GAR1: variants seen among roughly 807,000 people sequenced by gnomAD.
The protein encoded by GAR1 is GAR1 ribonucleoprotein.
GAR1 carries 11 observed loss-of-function variants against 29.3 expected under a neutral mutation model. The observed-to-expected ratio is 0.38, with a 90% CI of 0.24 to 0.62. GAR1 has a LOEUF of 0.62. Among genes scored for constraint, GAR1 ranks in the 20% least tolerant of loss-of-function variants. The probability of loss-of-function intolerance (pLI) is 0.62; values close to 1 mark genes in which losing one functional copy is unlikely to be tolerated. For missense variants in GAR1, 237 were observed against 268.4 expected, an observed-to-expected ratio of 0.88 and a Z score of 0.82; for synonymous variants, 87 against 93.3, an observed-to-expected ratio of 0.93 and a Z score of 0.39.
chr4:109,817,811 C>G lies in GAR1; in HGVS notation c.215-125C>G, dbSNP rs1186293951. On this transcript the variant is annotated intron_variant, in intron 2 of 6. Transcript: ENST00000226796. ...GCCCAGGAAGTCCTAAGACTGTGGT[C>G]TTCTGCCTCAGAGGAGAGCAGTTAT... The G allele has an allele frequency of 5.8e-6, 4 of 689,400 alleles. No homozygotes were observed. In the East Asian group the frequency reaches 8.2e-5, roughly 14 times the overall value. 42.7% of individuals were successfully genotyped at this position (689,400 alleles called of 1,614,324 possible).
rs76570155 is a variant in GAR1 at position 109,820,836 on chromosome 4, T to C, written c.430-1511T>C. 4.3e-3 allele frequency among the ~76,000 whole-genome samples: 651 copies of C among 152,198 alleles called. 4 individuals are homozygous for C. The highest frequency in any genetic ancestry group is 0.015 in the African/African-American group (615 of 41,532). Reference sequence around the variant, plus strand: ...AAACCTTGGCAAGTACTCAGGGGATTGACTGCTTCTGGCGTGCCTGGAGCT... The same window carrying C: ...AAACCTTGGCAAGTACTCAGGGGATCGACTGCTTCTGGCGTGCCTGGAGCT... On this transcript the variant is annotated intron_variant, in intron 4 of 6. Coordinates refer to ENST00000226796, the MANE Select transcript of GAR1 (RefSeq NM_018983.4).
chr4:109,823,310 C>T (rs1285186649), intron 5 of GAR1, among the ~76,000 whole-genome samples: 3 of 152,050 alleles, frequency 2.0e-5, no homozygotes, highest in South Asian at 2.1e-4. Flanking sequence ...TCACTTTTGG[C>T]GTTTCTCAAT....
At chr4:109,815,962 C>T (rs1733337081) in intron 1 of GAR1, 158 bp downstream of exon 1, 1 of 640,228 alleles carries the variant, frequency 1.6e-6, no homozygotes, top group Non-Finnish European at 2.8e-6. Flanking sequence ...TGTGGTCGGT[C>T]GGCGCTCACG....
intron 5 of GAR1, 104 bp downstream of exon 5, chr4:109,822,592 CT>C: frequency 1.7e-6 from 2 of 1,182,832 alleles, no homozygotes; most frequent in Non-Finnish European, 2.2e-6. Context: ...CCTTATGGTT[CT>C]TTTTATTAAA....
At chr4:109,820,424 A>T (rs1490278813) in intron 4 of GAR1, among the ~76,000 whole-genome samples, 2 of 152,136 alleles carry the variant, frequency 1.3e-5, no homozygotes, top group East Asian at 3.9e-4. Flanking sequence ...CTAGACTGGA[A>T]ATAGAATTGG....
At position 109,824,592 on chromosome 4, in the gene GAR1, T is replaced by G. The variant is rs1464177362; in HGVS notation, c.*161T>G. The G allele has an allele frequency of 1.4e-4, 85 of 618,060 alleles. No individual in the cohort carries two copies. Among genetic ancestry groups the G allele is most frequent in the Non-Finnish European group, 1.9e-4 (65 of 341,914 alleles). The allele number at this position is 618,060 out of a possible 1,614,324, so 38.3% of individuals were successfully genotyped here. On this transcript the variant is annotated 3_prime_UTR_variant, in exon 7 of 7. Transcript: ENST00000226796. ...CAGCATCATGCAAAGTGCAACGGAA[T>G]AGTGAATTTTGCTCTAAAAGAGCAT...
At chr4:109,815,547 CAAGTTGGCCTCTCTGT>C (rs1315574281), upstream of GAR1, 1 of 153,882 alleles carries the variant, frequency 6.5e-6, no homozygotes, top group Non-Finnish European at 1.5e-5. Flanking sequence ...CAGCGTCAGG[CAAGTTGGCCTCTCTGT>C]TGTAAATTAG....
intron 4 of GAR1, among the ~76,000 whole-genome samples, chr4:109,820,171 A>C (rs1158414660): frequency 1.3e-5 from 2 of 152,182 alleles, no homozygotes; most frequent in African/African-American, 4.8e-5. Context: ...AAATGGATTT[A>C]TGAAAGATAC....
At chr4:109,817,891 G>T (rs548064323) in intron 2 of GAR1, 45 bp from the exon 3 acceptor site, 3 of 1,523,626 alleles carry the variant, frequency 2.0e-6, no homozygotes, top group Admixed American at 2.0e-5. Context: ...GGTCAGTATC[G>T]TTTGAAATAG....
intron 3 of GAR1, 22 bp from the exon 4 acceptor site, chr4:109,818,979 T>A: frequency 9.8e-7 from 1 of 1,019,080 alleles, no homozygotes; most frequent in Non-Finnish European, 1.5e-6. Flanking sequence ...ATTGCTCATT[T>A]GTTCCTTAAT....
At chr4:109,818,657 TG>T (rs1733420732) in intron 3 of GAR1, among the ~76,000 whole-genome samples, 1 of 148,330 alleles carries the variant, frequency 6.7e-6, no homozygotes, top group African/African-American at 2.5e-5. Context: ...CTCCGCCTCC[TG>T]GGTTCGAGCA....
intron 5 of GAR1, among the ~76,000 whole-genome samples, chr4:109,822,845 A>G (rs907240462): frequency 1.3e-5 from 2 of 152,338 alleles, no homozygotes; most frequent in South Asian, 2.1e-4. Context: ...TTCCATGTAT[A>G]TATTTTTAAT....
chr4:109,823,747 C>T (rs2125890433), intron 5 of GAR1, among the ~76,000 whole-genome samples: 1 of 152,120 alleles, frequency 6.6e-6, no homozygotes, highest in Admixed American at 6.5e-5. Flanking sequence ...TAGCCTGTTG[C>T]CCAGTTGGTA....
chr4:109,824,018 G>C lies in GAR1; in HGVS notation c.625G>C (p.Gly209Arg). Residue 209 changes from glycine (G) to arginine (R), a missense_variant, in exon 6 of 7, where the codon GGT (glycine) becomes CGT (arginine). Physicochemically the swap from Gly to Arg is moderately radical, Grantham distance 125. Transcript: ENST00000226796. ...GGGGGFRGGR[G>R]GGFRGRGH ...AGGTGGGGGCTTCAGAGGAGGAAGAGGTGGTGGTTTCAGAGGTGAGTATTT... is the reference window on the plus strand; with the variant it reads ...AGGTGGGGGCTTCAGAGGAGGAAGACGTGGTGGTTTCAGAGGTGAGTATTT... 6.2e-7 allele frequency: 1 copy of C among 1,605,668 alleles called. No individual in the cohort carries two copies. The highest frequency in any genetic ancestry group is 8.5e-7 in the Non-Finnish European group (1 of 1,173,422).
chr4:109,820,491 G>A (rs1025324820), intron 4 of GAR1, among the ~76,000 whole-genome samples: 2 of 151,802 alleles, frequency 1.3e-5, no homozygotes, highest in African/African-American at 4.8e-5. Flanking sequence ...AGAATGAAAG[G>A]AAAAGAGCAC....
intron 4 of GAR1, among the ~76,000 whole-genome samples, 167 bp from the exon 5 acceptor site, chr4:109,822,175 AAAAAG>A (rs1244953912): frequency 1.3e-5 from 2 of 150,806 alleles, no homozygotes; most frequent in South Asian, 2.1e-4. Flanking sequence ...AAAAAAAAAA[AAAAAG>A]AAACCTAAGT....
chr4:109,822,721 T>G (rs542938937), intron 5 of GAR1, among the ~76,000 whole-genome samples: 1 of 152,348 alleles, frequency 6.6e-6, no homozygotes, highest in African/African-American at 2.4e-5. Flanking sequence ...CTTTGGGTTA[T>G]TCATGTTTTC....
At chr4:109,821,328 C>T (rs772212940) in intron 4 of GAR1, among the ~76,000 whole-genome samples, 21 of 152,098 alleles carry the variant, frequency 1.4e-4, no homozygotes, top group Non-Finnish European at 2.6e-4. Flanking sequence ...CAATGTAGAT[C>T]TAGACAATAT....
In GAR1 at chr4:109,824,037, A is replaced by G; in HGVS notation, c.640+4A>G. On this transcript the variant is annotated splice_donor_region_variant and intron_variant, in intron 6 of 6. Transcript: ENST00000226796. ...GGAAGAGGTGGTGGTTTCAGAGGTG[A>G]GTATTTTAAAAAGTCTTTAAATTGC... The G allele has an allele frequency of 1.3e-6, 2 of 1,582,696 alleles. No individual in the cohort carries two copies. The highest frequency in any genetic ancestry group is 2.7e-5 in the African/African-American group (2 of 74,390).
Sources: allele counts gnomAD v4.1 joint callset (sites outside exome capture counted in the v4.1 genomes callset), GRCh38; gene constraint gnomAD v4.1.1; transcripts MANE v1.5; gene names NCBI Gene and HGNC (gene_info 2026-07-23, HGNC 2026-07-21).